The following ATE1 variants were observed in gnomAD, a reference collection of about 807,000 sequenced individuals.
ATE1 encodes arginyltransferase 1.
A neutral mutation model predicts 70.5 loss-of-function variants in ATE1; 36 were observed. The observed-to-expected ratio is 0.51, with a 90% CI of 0.39 to 0.67. The LOEUF is 0.67. Among genes scored for constraint, ATE1 ranks in the 30% least tolerant of loss-of-function variants. The pLI is 0.00. For synonymous variants in ATE1, 232 were observed against 219.3 expected, an observed-to-expected ratio of 1.06 and a Z score of -0.51; for missense variants, 593 against 629.5, an observed-to-expected ratio of 0.94 and a Z score of 0.62.
intron 10 of ATE1, among the ~76,000 whole-genome samples, chr10:121,828,307 T>C (rs1219511981): frequency 6.6e-6 from 1 of 152,220 alleles, no homozygotes; most frequent in Non-Finnish European, 1.5e-5. Context: ...AGTCATCCAT[T>C]GCTGAGTAAC....
At chr10:121,814,932 G>A (rs1020724840) in intron 10 of ATE1, among the ~76,000 whole-genome samples, 2 of 152,170 alleles carry the variant, frequency 1.3e-5, no homozygotes, top group South Asian at 4.1e-4. Context: ...TCAAATATAT[G>A]TGCCAACAGG....
chr10:121,767,515 A>C (rs546520360), intron 11 of ATE1, among the ~76,000 whole-genome samples: 8 of 151,936 alleles, frequency 5.3e-5, no homozygotes, highest in African/African-American at 1.7e-4. Flanking sequence ...AAAGAACTAC[A>C]CAAGTTCAGT....
At chr10:121,803,007 T>C (rs1159834586) in intron 10 of ATE1, among the ~76,000 whole-genome samples, 1 of 152,230 alleles carries the variant, frequency 6.6e-6, no homozygotes, top group Non-Finnish European at 1.5e-5. Flanking sequence ...AGGGTCAGCG[T>C]TGACGTCTTT....
intron 3 of ATE1, among the ~76,000 whole-genome samples, chr10:121,916,365 T>G (rs1253670802): frequency 6.6e-6 from 1 of 152,048 alleles, no homozygotes; most frequent in East Asian, 1.9e-4. Context: ...TCTAGAAAAA[T>G]TATTTTCATC....
At chr10:121,843,292 G>A (rs1194624250) in intron 8 of ATE1, among the ~76,000 whole-genome samples, 1 of 152,034 alleles carries the variant, frequency 6.6e-6, no homozygotes, top group Non-Finnish European at 1.5e-5. Context: ...AGGAATCAAA[G>A]ATCTAAAAAA....
Position 121,902,559 on chromosome 10 carries a change from C to G in ATE1, c.645G>C (p.Arg215Ser). The change falls in exon 6 of 12, where the codon AGG (arginine) becomes AGC (serine). Residue 215 changes from arginine (R) to serine (S), a missense_variant. Physicochemically the swap from Arg to Ser is moderately radical, Grantham distance 110. Transcript: ENST00000224652. Reference protein sequence around the residue: ...CRKAKEIRKERKRLKLMQQNP... With the variant: ...CRKAKEIRKESKRLKLMQQNP... The stretch of plus-strand genomic sequence containing the variant: ...TCTGCTGCATTAGTTTTAACCTTTT[C>G]CTTTCTTTCCGGATTTCCTTTGCTT... The G allele has an allele frequency of 6.2e-7, 1 of 1,614,154 alleles. No homozygotes were observed. Among genetic ancestry groups the G allele is most frequent in the Non-Finnish European group, 8.5e-7 (1 of 1,180,022 alleles).
At chr10:121,900,173 C>T (rs373165028) in intron 6 of ATE1, among the ~76,000 whole-genome samples, 179 bp from the exon 7 acceptor site, 5 of 152,250 alleles carry the variant, frequency 3.3e-5, no homozygotes, top group East Asian at 3.9e-4. Flanking sequence ...ATTTTTGTAA[C>T]TTACAGACTC....
At chr10:121,770,233 AACACACACACACACACACACAC>A (rs3036837) in intron 11 of ATE1, among the ~76,000 whole-genome samples, 31 of 136,924 alleles carry the variant, frequency 2.3e-4, no homozygotes, top group African/African-American at 8.4e-4. Context: ...ACAAGAGAGA[AACACACACACACACACACACAC>A]ACACACACAC....
intron 7 of ATE1, among the ~76,000 whole-genome samples, chr10:121,879,038 G>A (rs1287185143): frequency 6.6e-6 from 1 of 152,104 alleles, no homozygotes; most frequent in East Asian, 1.9e-4. Context: ...TAGGTAACAA[G>A]AAAATAAGTC....
chr10:121,927,788 G>A, intron 1 of ATE1, 56 bp downstream of exon 1: 8 of 1,510,712 alleles, frequency 5.3e-6, no homozygotes, highest in Admixed American at 2.1e-5. Flanking sequence ...GGGGGACCCT[G>A]GGATCCCGAG....
intron 10 of ATE1, among the ~76,000 whole-genome samples, chr10:121,831,454 G>A (rs149952884): frequency 1.4e-4 from 22 of 152,098 alleles, no homozygotes; most frequent in East Asian, 7.7e-4. Flanking sequence ...ATTAGACGAC[G>A]ACTGCTCCCT....
At chr10:121,801,931 T>TAAAAAAA (rs60193561) in intron 10 of ATE1, among the ~76,000 whole-genome samples, 1 of 138,010 alleles carries the variant, frequency 7.2e-6, no homozygotes. Context: ...TTTTTAAAGT[T>TAAAAAAA]AAAAAAAAAA....
chr10:121,906,650 G>A (rs1951206886), intron 5 of ATE1, among the ~76,000 whole-genome samples: 2 of 151,994 alleles, frequency 1.3e-5, no homozygotes, highest in Admixed American at 6.6e-5. Context: ...CCAGGCTGGA[G>A]TGCAGTGGCG....
chr10:121,903,117 C>G (rs1376444312), intron 5 of ATE1, among the ~76,000 whole-genome samples: 1 of 152,046 alleles, frequency 6.6e-6, no homozygotes, highest in Non-Finnish European at 1.5e-5. Context: ...TCTCAAACTC[C>G]TGACCTCGTG....
At chr10:121,893,505 T>C (rs1950654832) in intron 7 of ATE1, among the ~76,000 whole-genome samples, 1 of 152,064 alleles carries the variant, frequency 6.6e-6, no homozygotes, top group Admixed American at 6.6e-5. Flanking sequence ...ATTCCTTTTC[T>C]CAACTTTATA....
In ATE1 at chr10:121,852,703, T is replaced by C. The variant is rs190324032; in HGVS notation, c.976-11440A>G. ...TCCAGCCTGAGCAACACAGCAAGAC[T>C]CTGTCTCAAAAAAATAAATAAATAA... On this transcript the variant is annotated intron_variant, in intron 8 of 11. Transcript: ENST00000224652. Among the ~76,000 whole-genome samples, 109 of 152,144 alleles carry C rather than the reference T, an allele frequency of 7.2e-4. 1 individual carries two copies. The highest frequency in any genetic ancestry group is 2.5e-3 in the African/African-American group (105 of 41,478).
rs563698531 is a variant in ATE1 at position 121,865,974 on chromosome 10, G to T, written c.975+4032C>A. Among the ~76,000 whole-genome samples the T allele has an allele frequency of 1.7e-3, 254 of 152,318 alleles. 1 individual carries two copies. Among genetic ancestry groups the T allele is most frequent in the Non-Finnish European group, 3.1e-3 (208 of 68,032 alleles). ...TTTAAAGTCGGCTTTGTTTTCAACT[G>T]CAACTCTCATGTATTTTACTGTCTC... is the stretch of plus-strand genomic sequence containing the variant. On this transcript the variant is annotated intron_variant, in intron 8 of 11. Transcript: ENST00000224652.
chr10:121,887,863 A>G (rs961804770), intron 7 of ATE1, among the ~76,000 whole-genome samples: 9 of 152,218 alleles, frequency 5.9e-5, no homozygotes, highest in African/African-American at 1.9e-4. Flanking sequence ...TTACAGAGAG[A>G]AAGAATTTCA....
At chr10:121,788,671 T>C (rs1485742643) in intron 11 of ATE1, among the ~76,000 whole-genome samples, 1 of 152,190 alleles carries the variant, frequency 6.6e-6, no homozygotes, top group Non-Finnish European at 1.5e-5. Flanking sequence ...TTTCCATTGA[T>C]CTTTCCTTCT....
Sources: allele counts gnomAD v4.1 joint callset (sites outside exome capture counted in the v4.1 genomes callset), GRCh38; gene constraint gnomAD v4.1.1; transcripts MANE v1.5; gene names NCBI Gene and HGNC (gene_info 2026-07-23, HGNC 2026-07-21).